The following SNX25 variants were observed in gnomAD, a reference collection of about 807,000 sequenced individuals.
SNX25 encodes sorting nexin 25.
SNX25 carries 62 observed loss-of-function variants against 113.7 expected under a neutral mutation model. That is an observed-to-expected ratio of 0.55 (90% CI 0.44 to 0.67). The LOEUF is 0.67. SNX25 is among the 30% of genes least tolerant of loss of function. The pLI, the probability that SNX25 is intolerant of heterozygous loss-of-function variation, is 0.00. For missense variants in SNX25, 1,014 were observed against 1,161.0 expected (o/e 0.87, Z 1.84); for synonymous variants, 421 against 436.2 (o/e 0.97, Z 0.43).
chr4:185,357,880 T>G (rs758684230), intron 16 of SNX25, 143 bp downstream of exon 16: 1 of 706,986 alleles, frequency 1.4e-6, no homozygotes, highest in Non-Finnish European at 2.4e-6. Context: ...GATTCTAAGA[T>G]TGGATAGGAG....
intron 1 of SNX25, among the ~76,000 whole-genome samples, chr4:185,212,543 CA>C (rs1359038251): frequency 7.0e-6 from 1 of 142,878 alleles, no homozygotes; most frequent in Non-Finnish European, 1.5e-5. Context: ...TGCAAGCCAC[CA>C]CGCCTGGCTA....
intron 12 of SNX25, among the ~76,000 whole-genome samples, chr4:185,345,699 G>T (rs540671730): frequency 5.3e-5 from 8 of 152,000 alleles, no homozygotes; most frequent in Admixed American, 3.9e-4. Flanking sequence ...GCTGAAGTGG[G>T]AGAATCGCTT....
At position 185,310,721 on chromosome 4, in the gene SNX25, C is replaced by T; in HGVS notation, c.1249C>T (p.Gln417Ter). ...CAACCAACTGACTGTGGCAAAGAAG[C>T]AGTGTGAGAAGAGAATCCGAATCCT... is the stretch of plus-strand genomic sequence containing the variant. ...YINQLTVAKK[Q>*]CEKRIRILGG... Residue 417 changes from glutamine (Q) to a stop codon, truncating the protein, a stop_gained, in exon 7 of 19, where the codon CAG becomes TAG. Coordinates refer to ENST00000652585, the MANE Select transcript of SNX25 (RefSeq NM_001378034.2). LOFTEE classifies it high-confidence loss of function. 6.2e-7 allele frequency: 1 copy of T among 1,613,970 alleles called. No individual in the cohort carries two copies. Among genetic ancestry groups the T allele is most frequent in the Non-Finnish European group, 8.5e-7 (1 of 1,179,940 alleles).
At chr4:185,298,482 T>A (rs182057321) in intron 6 of SNX25, among the ~76,000 whole-genome samples, 2,418 of 152,196 alleles carry the variant, frequency 0.016, 30 homozygotes, top group South Asian at 0.06. Flanking sequence ...TGATTTTTTT[T>A]AAAAAAATAC....
At chr4:185,261,122 G>GTGTGTGTC (rs1433763684) in intron 3 of SNX25, among the ~76,000 whole-genome samples, 4,206 of 134,702 alleles carry the variant, frequency 0.031, 191 homozygotes, top group African/African-American at 0.11. Flanking sequence ...CTCTGTGTGT[G>GTGTGTGTC]TGTGTGTGTG....
At chr4:185,213,770 A>G (rs1431531457) in intron 1 of SNX25, among the ~76,000 whole-genome samples, 1 of 152,238 alleles carries the variant, frequency 6.6e-6, no homozygotes, top group Non-Finnish European at 1.5e-5. Context: ...ACTTACTATC[A>G]TCATAAGATC....
chr4:185,360,439 G>T (rs1007215204), intron 16 of SNX25, among the ~76,000 whole-genome samples: 4 of 152,252 alleles, frequency 2.6e-5, no homozygotes, highest in African/African-American at 7.2e-5. Flanking sequence ...TAAAATTCTG[G>T]TTGGAAGTCA....
chr4:185,313,070 T>C (rs2095043603), intron 7 of SNX25, among the ~76,000 whole-genome samples: 1 of 152,200 alleles, frequency 6.6e-6, no homozygotes, highest in Non-Finnish European at 1.5e-5. Context: ...CCAGAAGAAT[T>C]ACCATTAACT....
rs922416343 is a variant in SNX25, at chr4:185,210,482, G to A, written c.429+227G>A. Among the ~76,000 whole-genome samples the A allele has an allele frequency of 6.0e-5, 9 of 150,612 alleles. No individual in the cohort carries two copies. In the East Asian group the frequency reaches 1.7e-3, roughly 29 times the overall value. On this transcript the variant is annotated intron_variant, in intron 1 of 18. Coordinates refer to ENST00000652585, the MANE Select transcript of SNX25 (RefSeq NM_001378034.2). The surrounding 1 kb of genome is among the most constrained non-coding windows in gnomAD (Gnocchi z 4.4). Reference sequence around the variant, plus strand: ...CGCGCTCCGCGGTGCTGGAGGAGATGCGCGTTATTTACTGGGCTCTGTAGT... The same window carrying A: ...CGCGCTCCGCGGTGCTGGAGGAGATACGCGTTATTTACTGGGCTCTGTAGT...
At chr4:185,300,433 G>C (rs1054801465) in intron 6 of SNX25, among the ~76,000 whole-genome samples, 2 of 150,688 alleles carry the variant, frequency 1.3e-5, no homozygotes, top group African/African-American at 4.9e-5. Flanking sequence ...CCTCCCAAAT[G>C]CTGGGATTAC....
chr4:185,358,979 A>AT (rs2095350710), intron 16 of SNX25, among the ~76,000 whole-genome samples: 3 of 152,154 alleles, frequency 2.0e-5, no homozygotes, highest in Non-Finnish European at 2.9e-5. Context: ...AACATTTGCT[A>AT]TTTTTTTATT....
chr4:185,259,256 C>G (rs112269178), intron 3 of SNX25, among the ~76,000 whole-genome samples, 192 bp downstream of exon 3: 4 of 151,780 alleles, frequency 2.6e-5, no homozygotes, highest in African/African-American at 9.7e-5. Context: ...TGGAAAACCA[C>G]TTTATAAATA....
chr4:185,328,234 GAAA>G (rs2095170089), intron 9 of SNX25, among the ~76,000 whole-genome samples: 1 of 152,128 alleles, frequency 6.6e-6, no homozygotes, highest in African/African-American at 2.4e-5. Flanking sequence ...ACAGGGCTAG[GAAA>G]ACAATTTCCA....
At chr4:185,240,533 C>G (rs1351717853) in intron 1 of SNX25, among the ~76,000 whole-genome samples, 3 of 147,162 alleles carry the variant, frequency 2.0e-5, no homozygotes, top group Non-Finnish European at 4.5e-5. Flanking sequence ...CTGACCCCCC[C>G]ACCTCCCTCC....
chr4:185,335,414 T>C (rs2095223700), intron 10 of SNX25, among the ~76,000 whole-genome samples: 1 of 151,484 alleles, frequency 6.6e-6, no homozygotes. Context: ...AATCTAGCAA[T>C]TAACATATCC....
At chr4:185,282,190 T>G (rs549387055) in intron 5 of SNX25, among the ~76,000 whole-genome samples, 1 of 152,090 alleles carries the variant, frequency 6.6e-6, no homozygotes, top group Non-Finnish European at 1.5e-5. Flanking sequence ...AATTACAGCA[T>G]GTGCATGTCC....
At chr4:185,335,265 AGCCGAGATCAC>A in intron 10 of SNX25, among the ~76,000 whole-genome samples, 1 of 151,800 alleles carries the variant, frequency 6.6e-6, no homozygotes, top group South Asian at 2.1e-4. Flanking sequence ...GGTTGCAGTC[AGCCGAGATCAC>A]GCCATTGCAC....
At chr4:185,251,382 T>C (rs1745615201) in intron 2 of SNX25, among the ~76,000 whole-genome samples, 3 of 152,190 alleles carry the variant, frequency 2.0e-5, no homozygotes, top group Non-Finnish European at 2.9e-5. Context: ...ACTCTTTACT[T>C]ATTAAGTGAC....
chr4:185,373,159 C>T, downstream of SNX25: 1 of 1,295,958 alleles, frequency 7.7e-7, no homozygotes, highest in East Asian at 2.4e-5. Context: ...GAAAAGAACT[C>T]TGTGTTTCCT....
Sources: allele counts gnomAD v4.1 joint callset (sites outside exome capture counted in the v4.1 genomes callset), GRCh38; gene constraint gnomAD v4.1.1; non-coding constraint Gnocchi (gnomAD v3.1); transcripts MANE v1.5; gene names NCBI Gene and HGNC (gene_info 2026-07-23, HGNC 2026-07-21).